Variants in UBE2QL1 observed in about 807,000 individuals in gnomAD.
UBE2QL1 encodes the protein ubiquitin-conjugating enzyme E2Q-like protein 1.
A neutral mutation model predicts 12.6 loss-of-function variants in UBE2QL1; 5 were observed. The ratio of observed to expected loss-of-function variants is 0.40; its 90% confidence interval spans 0.21 to 0.83. The LOEUF (loss-of-function observed/expected upper bound fraction) is 0.83. Among genes scored for constraint, UBE2QL1 ranks in the 40% least tolerant of loss-of-function variants. UBE2QL1 has a pLI of 0.37. For synonymous variants in UBE2QL1, 96 were observed against 94.5 expected, an observed-to-expected ratio of 1.02 and a Z score of -0.10; for missense variants, 99 against 222.6, an observed-to-expected ratio of 0.44 and a Z score of 3.53.
Position 6,489,117 on chromosome 5 carries a change from A to G in UBE2QL1, c.355-2101A>G, listed in dbSNP as rs540928852. Among the ~76,000 whole-genome samples the G allele has an allele frequency of 9.6e-4, 146 of 152,162 alleles. 1 individual carries two copies. The highest frequency in any genetic ancestry group is 1.8e-3 in the Non-Finnish European group (119 of 67,994). ...CTTCATCCTTTTAGCAACTCTTCCT[A>G]TGTGAGTTATACAGCGTTTTCAAAA... On this transcript the variant is annotated intron_variant, in intron 1 of 1. Transcript: ENST00000399816.
intron 1 of UBE2QL1, among the ~76,000 whole-genome samples, chr5:6,454,938 GCAGGCAGGAGGACA>G (rs1739488118): frequency 1.3e-5 from 2 of 152,098 alleles, no homozygotes. Flanking sequence ...ATCAAGTAGG[GCAGGCAGGAGGACA>G]CAGGCAGGAC....
rs988486173 is a variant in UBE2QL1, at chr5:6,476,884, G to A, written c.355-14334G>A. On this transcript the variant is annotated intron_variant, in intron 1 of 1. Coordinates refer to ENST00000399816, the MANE Select transcript of UBE2QL1 (RefSeq NM_001145161.3). This position sits in a 1 kb window ranked among gnomAD's most constrained non-coding sequence, Gnocchi z 4.9. ...AGGAGTGGCCCCCTCTTGGCATAGA[G>A]AGAGTGGAAACATCCCCTTCCCCTT... Among the ~76,000 whole-genome samples the A allele has an allele frequency of 5.3e-5, 8 of 152,246 alleles. No individual in the cohort carries two copies. Among genetic ancestry groups the A allele is most frequent in the Non-Finnish European group, 1.2e-4 (8 of 68,012 alleles).
chr5:6,485,860 A>G (rs7705402), intron 1 of UBE2QL1, among the ~76,000 whole-genome samples: 18,883 of 152,256 alleles, frequency 0.12, 2,082 homozygotes, highest in African/African-American at 0.29. Context: ...TCAACCTGTT[A>G]AGACAGACAT....
chr5:6,451,249 T>TA (rs895595720), intron 1 of UBE2QL1, among the ~76,000 whole-genome samples: 4 of 4,022 alleles, frequency 9.9e-4, no homozygotes, highest in Non-Finnish European at 3.7e-3. Flanking sequence ...GAAATGGGGA[T>TA]TTTTTTTTTT....
chr5:6,489,268 T>TA (rs1370583743), intron 1 of UBE2QL1, among the ~76,000 whole-genome samples: 3 of 151,720 alleles, frequency 2.0e-5, no homozygotes, highest in Non-Finnish European at 4.4e-5. Flanking sequence ...CTATAAAAAA[T>TA]AAAAAATTAG....
rs1303812249 is a variant in UBE2QL1 at position 6,493,836 on chromosome 5, G to C, written c.*2487G>C. The C allele has an allele frequency of 1.3e-5, 2 of 152,186 alleles. No individual in the cohort carries two copies. Among genetic ancestry groups the C allele is most frequent in the African/African-American group, 4.8e-5 (2 of 41,430 alleles). 9.4% of individuals were successfully genotyped at this position (152,186 alleles called of 1,614,324 possible). A position where few individuals can be genotyped will look rare whatever the true frequency, so the allele number is the denominator to read the frequency against. ...CATGGAGGCACCCTTAGGACACTGA[G>C]CACAGGCCTGGCTGCCTGTGCCTTG... On this transcript the variant is annotated 3_prime_UTR_variant, in exon 2 of 2. Transcript: ENST00000399816.
rs1734288139 is a variant in UBE2QL1, at chr5:6,478,694, G to A, written c.355-12524G>A. On this transcript the variant is annotated intron_variant, in intron 1 of 1. Transcript: ENST00000399816. The surrounding 1 kb of genome is among the most constrained non-coding windows in gnomAD (Gnocchi z 4.5). ...TGCTGAGAGAACTGTTCCGCAGCAA[G>A]GCTGGGCCATAGCAGTTGTGAAATG... Among the ~76,000 whole-genome samples, 1 of 151,800 alleles carries A rather than the reference G, an allele frequency of 6.6e-6. No individual in the cohort carries two copies. The highest frequency in any genetic ancestry group is 6.6e-5 in the Admixed American group (1 of 15,238).
chr5:6,483,772 A>G (rs899549441), intron 1 of UBE2QL1, among the ~76,000 whole-genome samples: 3 of 152,354 alleles, frequency 2.0e-5, no homozygotes, highest in African/African-American at 7.2e-5. Context: ...AAGCCACGCC[A>G]AGGGCTGGTT....
At position 6,479,377 on chromosome 5, in the gene UBE2QL1, C is replaced by A. The variant is rs1311375091; in HGVS notation, c.355-11841C>A. Among the ~76,000 whole-genome samples, 1 of 152,118 alleles carries A rather than the reference C, an allele frequency of 6.6e-6. No homozygotes were observed. The highest frequency in any genetic ancestry group is 1.5e-5 in the Non-Finnish European group (1 of 68,034). Reference sequence around the variant, plus strand: ...GTTGGGTAGGAGAACACCATTGTTTCTTGCAGGTCACTCACTGAGCGTAGG... The same window carrying A: ...GTTGGGTAGGAGAACACCATTGTTTATTGCAGGTCACTCACTGAGCGTAGG... On this transcript the variant is annotated intron_variant, in intron 1 of 1. Coordinates refer to ENST00000399816, the MANE Select transcript of UBE2QL1 (RefSeq NM_001145161.3). This position sits in a 1 kb window ranked among gnomAD's most constrained non-coding sequence, Gnocchi z 4.2.
rs1734366403 is a variant in UBE2QL1, at chr5:6,481,737, G to A, written c.355-9481G>A. 1.3e-5 allele frequency among the ~76,000 whole-genome samples: 2 copies of A among 152,102 alleles called. No individual in the cohort carries two copies. The highest frequency in any genetic ancestry group is 4.1e-4 in the South Asian group (2 of 4,832). On this transcript the variant is annotated intron_variant, in intron 1 of 1. Coordinates refer to ENST00000399816, the MANE Select transcript of UBE2QL1 (RefSeq NM_001145161.3). This position sits in a 1 kb window ranked among gnomAD's most constrained non-coding sequence, Gnocchi z 4.5. ...ACTGAGTGGCCTCTGCCAGGCCCTC[G>A]CCATCTTCTCTGGACCATGACAATA...
chr5:6,488,990 G>A (rs1254420375), intron 1 of UBE2QL1, among the ~76,000 whole-genome samples: 1 of 152,182 alleles, frequency 6.6e-6, no homozygotes, highest in African/African-American at 2.4e-5. Flanking sequence ...AAATATGCTT[G>A]AAGTTATAAA....
At position 6,457,642 on chromosome 5, in the gene UBE2QL1, A is replaced by G. The variant is rs576506987; in HGVS notation, c.354+8395A>G. On this transcript the variant is annotated intron_variant, in intron 1 of 1. Transcript: ENST00000399816. ...TTTGATTAAATCCTTGTAGCAGCCTAAGAGGTAGGTGCTGTTGTTATTCCC... is the reference window on the plus strand; with the variant it reads ...TTTGATTAAATCCTTGTAGCAGCCTGAGAGGTAGGTGCTGTTGTTATTCCC... Among the ~76,000 whole-genome samples the G allele has an allele frequency of 3.9e-5, 6 of 152,294 alleles. No individual in the cohort carries two copies. In the South Asian group the frequency reaches 8.3e-4, roughly 21 times the overall value.
intron 1 of UBE2QL1, 137 bp downstream of exon 1, chr5:6,449,384 C>T (rs1398322145): frequency 2.3e-5 from 19 of 838,168 alleles, no homozygotes; most frequent in Non-Finnish European, 2.7e-5. Context: ...ACACCAGCGC[C>T]CCACGGGGAT....
chr5:6,480,486 C>G (rs1244312244), intron 1 of UBE2QL1, among the ~76,000 whole-genome samples: 1 of 152,154 alleles, frequency 6.6e-6, no homozygotes, highest in Non-Finnish European at 1.5e-5. Context: ...TTAATGAAAC[C>G]CACTGGGATC....
At chr5:6,464,888 A>G (rs1191474512) in intron 1 of UBE2QL1, among the ~76,000 whole-genome samples, 1 of 152,234 alleles carries the variant, frequency 6.6e-6, no homozygotes, top group African/African-American at 2.4e-5. Flanking sequence ...ATAAGAAGCT[A>G]CAATTCAATG....
intron 1 of UBE2QL1, among the ~76,000 whole-genome samples, chr5:6,471,429 A>G (rs555959017): frequency 5.4e-4 from 82 of 152,310 alleles, no homozygotes; most frequent in Non-Finnish European, 1.0e-3. Flanking sequence ...ATTGGTTCCC[A>G]TGAGCACTCA....
At position 6,476,505 on chromosome 5, in the gene UBE2QL1, AC is replaced by A. The variant is rs1734233333; in HGVS notation, c.355-14712del. ...GCTTTGCCAGGGCTGTGCTGTCCTGACTCAATGAGACAATGACCTCAAAACG... is the reference window on the plus strand; with the variant it reads ...GCTTTGCCAGGGCTGTGCTGTCCTGATCAATGAGACAATGACCTCAAAACG... On this transcript the variant is annotated intron_variant, in intron 1 of 1. Transcript: ENST00000399816. The surrounding 1 kb of genome is among the most constrained non-coding windows in gnomAD (Gnocchi z 4.9). Among the ~76,000 whole-genome samples, 1 of 152,016 alleles carries A rather than the reference AC, an allele frequency of 6.6e-6. No homozygotes were observed. The highest frequency in any genetic ancestry group is 6.6e-5 in the Admixed American group (1 of 15,254).
intron 1 of UBE2QL1, among the ~76,000 whole-genome samples, chr5:6,486,397 G>A (rs1487306782): frequency 1.3e-5 from 2 of 151,860 alleles, no homozygotes; most frequent in African/African-American, 2.4e-5. Flanking sequence ...CAAGCATAGT[G>A]AGCCATTTCA....
chr5:6,464,420 A>G (rs1013504029), intron 1 of UBE2QL1, among the ~76,000 whole-genome samples: 1 of 152,254 alleles, frequency 6.6e-6, no homozygotes, highest in Non-Finnish European at 1.5e-5. Flanking sequence ...GTGCATTCCC[A>G]TAGAATCATA....
Sources: gnomAD v4.1 joint callset for allele counts (sites outside exome capture counted in the v4.1 genomes callset) on GRCh38, gnomAD v4.1.1 for gene constraint, Gnocchi (gnomAD v3.1) non-coding constraint, MANE v1.5 for transcripts, NCBI Gene and HGNC (gene_info 2026-07-23, HGNC 2026-07-21) for gene names.